ARHGAP11A: variants seen among roughly 807,000 people sequenced by gnomAD.
ARHGAP11A encodes the protein Rho GTPase activating protein 11A.
A neutral mutation model predicts 60.5 loss-of-function variants in ARHGAP11A; 36 were observed. The ratio of observed to expected loss-of-function variants is 0.59; its 90% CI spans 0.46 to 0.79. ARHGAP11A has a LOEUF of 0.79. Ranked by LOEUF, ARHGAP11A falls within the 30% of genes least tolerant of loss-of-function variation. The pLI is 0.00. For missense variants in ARHGAP11A, 1,071 were observed against 1,199.2 expected (o/e 0.89, Z 1.58); for synonymous variants, 362 against 415.5 (o/e 0.87, Z 1.57).
intron 2 of ARHGAP11A, among the ~76,000 whole-genome samples, chr15:32,621,487 C>A (rs534975632): frequency 1.3e-5 from 2 of 152,226 alleles, no homozygotes; most frequent in Non-Finnish European, 2.9e-5. Flanking sequence ...ACTGTGCTGG[C>A]CTATTCTAAC....
chr15:32,636,166 A>C, intron 11 of ARHGAP11A, 91 bp from the exon 12 acceptor site: 1 of 1,464,970 alleles, frequency 6.8e-7, no homozygotes, highest in East Asian at 2.4e-5. Flanking sequence ...ATTAGAATTA[A>C]ATGCTTAGTG....
intron 6 of ARHGAP11A, among the ~76,000 whole-genome samples, chr15:32,626,671 T>A (rs1595766762): frequency 6.6e-6 from 1 of 152,274 alleles, no homozygotes; most frequent in African/African-American, 2.4e-5. Flanking sequence ...CTCACCGTTC[T>A]GGAGGCTAGA....
intron 2 of ARHGAP11A, 87 bp downstream of exon 2, chr15:32,620,265 A>G: frequency 1.2e-6 from 2 of 1,608,472 alleles, no homozygotes; most frequent in Non-Finnish European, 1.7e-6. Flanking sequence ...TGGGCAAATC[A>G]CTTGAGTCCA....
At chr15:32,615,298 A>G (rs905396478), upstream of ARHGAP11A, 1 of 152,084 alleles carries the variant, frequency 6.6e-6, no homozygotes, top group African/African-American at 2.4e-5. Flanking sequence ...CCCCGCCCCA[A>G]AAACTGGCCT....
intron 8 of ARHGAP11A, among the ~76,000 whole-genome samples, chr15:32,631,223 C>A (rs1354874325): frequency 2.0e-5 from 3 of 151,792 alleles, no homozygotes; most frequent in Non-Finnish European, 2.9e-5. Flanking sequence ...TAGATTATAA[C>A]AAATATGATG....
chr15:32,635,063 C>A (rs903229255), intron 10 of ARHGAP11A, among the ~76,000 whole-genome samples: 4 of 152,204 alleles, frequency 2.6e-5, no homozygotes, highest in African/African-American at 9.7e-5. Context: ...CTCCTCGTTT[C>A]ACTCTGAATA....
chr15:32,630,868 G>GTT (rs1049458772), intron 8 of ARHGAP11A, among the ~76,000 whole-genome samples: 1 of 145,768 alleles, frequency 6.9e-6, no homozygotes, highest in Non-Finnish European at 1.5e-5. Flanking sequence ...TAGTTCAGTT[G>GTT]TTTTTTTTTT....
Position 32,622,210 on chromosome 15 carries a change from G to C in ARHGAP11A, c.201-1282G>C, listed in dbSNP as rs1477789502. Among the ~76,000 whole-genome samples, 7 of 152,400 alleles carry C rather than the reference G, an allele frequency of 4.6e-5. No homozygotes were observed. In the East Asian group the frequency reaches 1.4e-3, roughly 29 times the overall value. On this transcript the variant is annotated intron_variant, in intron 2 of 11. Transcript: ENST00000361627. ...CAGGTGGTGGATTGCTTGAGCCCAG[G>C]AGTTCAAGACAAGCCTGGGCAACAT...
rs1174667556 is a variant in ARHGAP11A, at chr15:32,637,766, G to C, written c.2993G>C (p.Arg998Thr). 1.2e-6 allele frequency: 2 copies of C among 1,613,866 alleles called. No homozygotes were observed. Among genetic ancestry groups the C allele is most frequent in the African/African-American group, 2.7e-5 (2 of 74,898 alleles). ...RVLRRPSERG[R>T]AWYKGSPKHP... is the part of the protein sequence containing the mutation. ...CTTAGGAGACCATCAGAAAGAGGAA[G>C]GGCCTGGTACAAAGGTTCTCCAAAA... The change falls in exon 12 of 12, where the codon AGG becomes ACG. Residue 998 changes from arginine to threonine, a missense_variant. By Grantham distance (71) the Arg-to-Thr change is moderately conservative. Around this residue, in one of 4 missense-constraint regions of ARHGAP11A, gnomAD observed 776 missense variants for 760.2 expected, o/e 1.02. Coordinates refer to ENST00000361627, the MANE Select transcript of ARHGAP11A (RefSeq NM_014783.6).
intron 8 of ARHGAP11A, 56 bp downstream of exon 8, chr15:32,629,818 T>A: frequency 4.1e-6 from 5 of 1,213,180 alleles, no homozygotes; most frequent in Non-Finnish European, 5.8e-6. Flanking sequence ...GTGCCTATTC[T>A]GGGCACAGTG....
Position 32,635,904 on chromosome 15 carries a change from T to G in ARHGAP11A, c.1472T>G (p.Leu491Ter). Residue 491 changes from leucine to a stop codon, truncating the protein, a stop_gained, in exon 11 of 12, where the codon TTA becomes TGA. Coordinates refer to ENST00000361627, the MANE Select transcript of ARHGAP11A (RefSeq NM_014783.6). LOFTEE classifies it low-confidence loss of function (END_TRUNC). Reference protein sequence around the residue: ...LLFSPDVDEKLPKKGSEKISK... With the variant: ...LLFSPDVDEK ...TTTAGCCCAGATGTTGATGAAAAGT[T>G]ACCAAAGAAAGGTACATTTACATAC... 1 of 1,608,872 alleles carries G rather than the reference T, an allele frequency of 6.2e-7. No homozygotes were observed. Among genetic ancestry groups the G allele is most frequent in the Non-Finnish European group, 8.5e-7 (1 of 1,178,444 alleles).
In ARHGAP11A at chr15:32,639,017, G is replaced by A. The variant is rs2053787961; in HGVS notation, c.*1172G>A. ...GTGTAAATGTTATTTATTTAGCATA[G>A]ACATTAAAGATAACTCTCTGGAAAA... On this transcript the variant is annotated 3_prime_UTR_variant, in exon 12 of 12. Coordinates refer to ENST00000361627, the MANE Select transcript of ARHGAP11A (RefSeq NM_014783.6). 2 of 152,566 alleles carry A rather than the reference G, an allele frequency of 1.3e-5. No individual in the cohort carries two copies. The highest frequency in any genetic ancestry group is 1.3e-4 in the Admixed American group (2 of 15,270). The allele number at this position is 152,566 out of a possible 1,614,324, so 9.5% of individuals were successfully genotyped here. A position where few individuals can be genotyped will look rare whatever the true frequency, so the allele number is the denominator to read the frequency against.
chr15:32,615,285 T>C (rs1040058303), upstream of ARHGAP11A: 8 of 152,202 alleles, frequency 5.3e-5, no homozygotes, highest in Admixed American at 3.3e-4. Context: ...TTAAACAGTA[T>C]TCCCCCGCCC....
chr15:32,618,660 G>A (rs1007515441), intron 1 of ARHGAP11A, among the ~76,000 whole-genome samples: 3 of 152,098 alleles, frequency 2.0e-5, no homozygotes, highest in Admixed American at 2.0e-4. Context: ...ATTTTTGTGT[G>A]TGCGATGGCT....
chr15:32,621,946 C>G (rs2053332204), intron 2 of ARHGAP11A, among the ~76,000 whole-genome samples: 2 of 152,232 alleles, frequency 1.3e-5, no homozygotes, highest in African/African-American at 2.4e-5. Flanking sequence ...GACCAATAAT[C>G]TAGGTTTTAA....
At chr15:32,622,647 C>T (rs200394399) in intron 2 of ARHGAP11A, among the ~76,000 whole-genome samples, 65,183 of 144,430 alleles carry the variant, frequency 0.45, 13,169 homozygotes, top group Admixed American at 0.53. Context: ...TTGTGGGTCC[C>T]AGCTGTTCAA....
At position 32,636,543 on chromosome 15, in the gene ARHGAP11A, C is replaced by T; in HGVS notation, c.1770C>T (p.Asn590=). Residue 590 remains asparagine, a synonymous_variant, in exon 12 of 12, where the codon AAC becomes AAT. Coordinates refer to ENST00000361627, the MANE Select transcript of ARHGAP11A (RefSeq NM_014783.6). ...GCCCTCTTAGCGGGGATGAAAATAA[C>T]ATGACCAAAGAGACTTTGGTGAAAG... The part of the protein sequence containing the change: ...TSSPLSGDEN[N]MTKETLVKVQ... 5 of 1,614,050 alleles carry T rather than the reference C, an allele frequency of 3.1e-6. No individual in the cohort carries two copies. Among genetic ancestry groups the T allele is most frequent in the Non-Finnish European group, 4.2e-6 (5 of 1,179,962 alleles).
intron 10 of ARHGAP11A, among the ~76,000 whole-genome samples, chr15:32,635,323 T>C (rs2053679425): frequency 6.6e-6 from 1 of 152,232 alleles, no homozygotes; most frequent in South Asian, 2.1e-4. Flanking sequence ...CCACTCCATA[T>C]CCTTTTTACT....
At chr15:32,634,828 G>T (rs1484661752) in intron 10 of ARHGAP11A, among the ~76,000 whole-genome samples, 1 of 152,148 alleles carries the variant, frequency 6.6e-6, no homozygotes, top group Non-Finnish European at 1.5e-5. Context: ...ATCCATTAGA[G>T]AATCTTGTCT....
Sources: allele counts gnomAD v4.1 joint callset (sites outside exome capture counted in the v4.1 genomes callset), GRCh38; gene constraint gnomAD v4.1.1; regional missense constraint gnomAD v4.1.1; transcripts MANE v1.5; gene names NCBI Gene and HGNC (gene_info 2026-07-23, HGNC 2026-07-21).